SH2B2: variants seen among roughly 807,000 people sequenced by gnomAD.
SH2B2 encodes SH2B adaptor protein 2, also known as SH2B adapter protein 2.
In SH2B2, 37 loss-of-function variants were observed where a neutral mutation model predicts 35.7. The observed-to-expected ratio is 1.04, with a 90% CI of 0.80 to 1.36. SH2B2 has a LOEUF of 1.36. SH2B2 is among the 40% of genes most tolerant of loss of function. The pLI is 0.00. For missense variants in SH2B2, 852 were observed against 817.7 expected, an observed-to-expected ratio of 1.04 and a Z score of -0.51; for synonymous variants, 383 against 376.4, an observed-to-expected ratio of 1.02 and a Z score of -0.20.
Position 102,320,334 on chromosome 7 carries a change from C to T in SH2B2, c.1399C>T (p.Leu467=), listed in dbSNP as rs561316353. 1.2e-6 allele frequency: 2 copies of T among 1,610,506 alleles called. No homozygotes were observed. Among genetic ancestry groups the T allele is most frequent in the South Asian group, 1.1e-5 (1 of 91,078 alleles). The part of the protein sequence containing the change: ...TFNFQGKAKH[L]RLSLNGHGQC... ...CCACACCCACCTGTACCCACAGCAC[C>T]TGCGCCTGTCCCTGAACGGCCACGG... is the stretch of plus-strand genomic sequence containing the variant. The change falls in exon 8 of 9, where the codon CTG becomes TTG. Residue 467 remains leucine (L), a synonymous_variant. Coordinates refer to ENST00000444095, the MANE Select transcript of SH2B2 (RefSeq NM_001359228.2).
intron 2 of SH2B2, among the ~76,000 whole-genome samples, chr7:102,303,970 T>C (rs534026891): frequency 6.6e-6 from 1 of 152,190 alleles, no homozygotes; most frequent in African/African-American, 2.4e-5. Context: ...CTCCTTTGTG[T>C]CATGCAAAGG....
chr7:102,295,483 ATGG>A (rs142032007), intron 1 of SH2B2, among the ~76,000 whole-genome samples: 3,218 of 152,106 alleles, frequency 0.021, 119 homozygotes, highest in African/African-American at 0.074. Flanking sequence ...CCTGGAGGCC[ATGG>A]TGGTGGTGGT....
In SH2B2 at chr7:102,314,396, G is replaced by C. The variant is rs980249858; in HGVS notation, c.984G>C (p.Val328=). 2.5e-6 allele frequency: 1 copy of C among 398,810 alleles called. No individual in the cohort carries two copies. Among genetic ancestry groups the C allele is most frequent in the Non-Finnish European group, 4.4e-6 (1 of 226,224 alleles). 24.7% of individuals were successfully genotyped at this position (398,810 alleles called of 1,614,324 possible). ...GAGGAGGCTGTCTGGCCAGCCGCGT[G>C]GCCTCCTGCAGCTGTGAGCTCCTGA... ...CTRGGCLASR[V]ASCSCELLTD... The change falls in exon 5 of 9, where the codon GTG becomes GTC. Residue 328 remains valine, a synonymous_variant. Coordinates refer to ENST00000444095, the MANE Select transcript of SH2B2 (RefSeq NM_001359228.2).
chr7:102,299,617 TGC>T (rs1240884073), intron 1 of SH2B2, among the ~76,000 whole-genome samples: 1 of 152,136 alleles, frequency 6.6e-6, no homozygotes, highest in Non-Finnish European at 1.5e-5. Flanking sequence ...AAAATAGTTA[TGC>T]GAATCCCAGG....
chr7:102,305,929 C>G (rs1793379618), intron 2 of SH2B2, among the ~76,000 whole-genome samples: 1 of 129,738 alleles, frequency 7.7e-6, no homozygotes, highest in Non-Finnish European at 1.6e-5. Flanking sequence ...TCGTCTCACT[C>G]TGTCACCCAG....
intron 6 of SH2B2, among the ~76,000 whole-genome samples, chr7:102,315,486 G>A (rs1457840150): frequency 2.0e-5 from 3 of 151,894 alleles, no homozygotes; most frequent in South Asian, 4.2e-4. Context: ...CCGCCACCTC[G>A]CCTGGCTCAT....
At chr7:102,292,719 C>T (rs893965795) in intron 1 of SH2B2, among the ~76,000 whole-genome samples, 4 of 152,226 alleles carry the variant, frequency 2.6e-5, no homozygotes, top group East Asian at 1.9e-4. Context: ...GAAAAGGCCT[C>T]AGTTTCCCCA....
intron 7 of SH2B2, among the ~76,000 whole-genome samples, chr7:102,319,622 C>T (rs1793978607): frequency 1.3e-5 from 2 of 151,732 alleles, no homozygotes; most frequent in South Asian, 4.2e-4. Flanking sequence ...AACCACTCCT[C>T]TTAGCTCCCC....
intron 2 of SH2B2, 31 bp from the exon 3 acceptor site, chr7:102,306,690 G>A (rs1422629238): frequency 1.3e-5 from 20 of 1,493,800 alleles, no homozygotes; most frequent in Non-Finnish European, 1.6e-5. Flanking sequence ...GAAATGCTGG[G>A]GCCACTCACT....
intron 8 of SH2B2, 86 bp from the exon 9 acceptor site, chr7:102,321,212 GC>G: frequency 8.7e-7 from 1 of 1,154,412 alleles, no homozygotes; most frequent in Non-Finnish European, 1.1e-6. Flanking sequence ...CTGAGCGTGG[GC>G]CCTGGCCCCT....
intron 1 of SH2B2, among the ~76,000 whole-genome samples, chr7:102,288,402 C>T (rs1467454479): frequency 1.3e-5 from 2 of 152,082 alleles, no homozygotes; most frequent in Non-Finnish European, 2.9e-5. Flanking sequence ...CAGCTACTTC[C>T]TTAGAGGTCT....
In SH2B2 at chr7:102,300,517, C is replaced by G; in HGVS notation, c.-29-5C>G. The G allele has an allele frequency of 6.5e-7, 1 of 1,527,810 alleles. No homozygotes were observed. Among genetic ancestry groups the G allele is most frequent in the Non-Finnish European group, 8.8e-7 (1 of 1,140,936 alleles). The allele number at this position is 1,527,810 out of a possible 1,614,324, so 94.6% of individuals were successfully genotyped here. Reference sequence around the variant, plus strand: ...AAAGTCACTGCGCGCTCTTCTCGCCCGAAGCCGCAGGTGGCTGCGATGGGA... The same window carrying G: ...AAAGTCACTGCGCGCTCTTCTCGCCGGAAGCCGCAGGTGGCTGCGATGGGA... On this transcript the variant is annotated splice_polypyrimidine_tract_variant and splice_region_variant and intron_variant, in intron 1 of 8. Coordinates refer to ENST00000444095, the MANE Select transcript of SH2B2 (RefSeq NM_001359228.2).
chr7:102,309,940 G>A (rs1402190280), intron 4 of SH2B2, among the ~76,000 whole-genome samples: 2 of 152,202 alleles, frequency 1.3e-5, no homozygotes, highest in African/African-American at 4.8e-5. Context: ...AGGAGTTGGA[G>A]GCTGCAGTGA....
chr7:102,313,130 T>TAAAAAAGAA (rs1793688398), intron 4 of SH2B2, among the ~76,000 whole-genome samples: 1 of 94,898 alleles, frequency 1.1e-5, no homozygotes, highest in African/African-American at 4.3e-5. Flanking sequence ...AAACTCTGTC[T>TAAAAAAGAA]AAAAAAAAAA....
chr7:102,290,615 A>T (rs1792639943), intron 1 of SH2B2, among the ~76,000 whole-genome samples: 1 of 152,168 alleles, frequency 6.6e-6, no homozygotes, highest in Non-Finnish European at 1.5e-5. Flanking sequence ...GGCGTCTGAC[A>T]CACAGTGGGA....
chr7:102,307,840 G>A (rs895959945), intron 3 of SH2B2, among the ~76,000 whole-genome samples: 3 of 151,476 alleles, frequency 2.0e-5, no homozygotes, highest in African/African-American at 7.3e-5. Flanking sequence ...GCGCGATCTC[G>A]GCTCACTACA....
chr7:102,302,397 C>T (rs1586581848), intron 2 of SH2B2, among the ~76,000 whole-genome samples: 3 of 152,364 alleles, frequency 2.0e-5, no homozygotes, highest in African/African-American at 7.2e-5. Context: ...CTTTTCTGGC[C>T]AGGGGGATGC....
intron 7 of SH2B2, among the ~76,000 whole-genome samples, chr7:102,317,908 G>A (rs1793916703): frequency 2.0e-5 from 3 of 152,138 alleles, no homozygotes; most frequent in Admixed American, 2.0e-4. Context: ...CCCAGCAGGG[G>A]AGGAGGAGCT....
At chr7:102,304,042 G>A (rs1793299579) in intron 2 of SH2B2, among the ~76,000 whole-genome samples, 1 of 152,150 alleles carries the variant, frequency 6.6e-6, no homozygotes, top group Admixed American at 6.5e-5. Context: ...ACCATGCTAA[G>A]AACTTGGTTG....
Sources: gnomAD v4.1 joint callset for allele counts (sites outside exome capture counted in the v4.1 genomes callset) on GRCh38, gnomAD v4.1.1 for gene constraint, MANE v1.5 for transcripts, NCBI Gene and HGNC (gene_info 2026-07-23, HGNC 2026-07-21) for gene names.